ERBB4: variants seen among roughly 807,000 people sequenced by gnomAD.
The protein encoded by ERBB4 is erb-b2 receptor tyrosine kinase 4, also known as receptor tyrosine-protein kinase erbB-4.
Under a neutral mutation model 158.0 loss-of-function variants are expected in ERBB4, and 42 were observed. The observed-to-expected ratio is 0.27, with a 90% CI of 0.21 to 0.34. ERBB4 has a LOEUF of 0.34. Ranked by LOEUF, ERBB4 falls within the 10% of genes least tolerant of loss-of-function variation. ERBB4 has a pLI of 1.00. For missense variants in ERBB4, 1,333 were observed against 1,624.1 expected, an observed-to-expected ratio of 0.82 and a Z score of 3.08; for synonymous variants, 583 against 558.7, an observed-to-expected ratio of 1.04 and a Z score of -0.61.
chr2:212,358,630 T>C (rs1453129523), intron 1 of ERBB4, among the ~76,000 whole-genome samples: 2 of 151,788 alleles, frequency 1.3e-5, no homozygotes, highest in African/African-American at 2.4e-5. Flanking sequence ...TGTATATATT[T>C]ACCCTGTTTA....
rs1387076093 is a variant in ERBB4, at chr2:211,495,252, T to C, written c.2488-64152A>G. Among the ~76,000 whole-genome samples the C allele has an allele frequency of 2.6e-5, 4 of 152,178 alleles. No individual in the cohort carries two copies. The East Asian group carries it at 7.7e-4, about 29-fold the overall frequency. On this transcript the variant is annotated intron_variant, in intron 20 of 27. Coordinates refer to ENST00000342788, the MANE Select transcript of ERBB4 (RefSeq NM_005235.3). ...TTATATGTAAAACAGCAAAATATTT[T>C]TAGATTAAGTGTTTAAGCCATTGTG...
intron 1 of ERBB4, among the ~76,000 whole-genome samples, chr2:212,391,141 T>C (rs2090841385): frequency 6.6e-6 from 1 of 151,754 alleles, no homozygotes; most frequent in Non-Finnish European, 1.5e-5. Context: ...ATCAAGATCT[T>C]ATGCCTTATC....
chr2:211,618,756 C>G (rs1401047496), intron 19 of ERBB4, among the ~76,000 whole-genome samples: 2 of 152,152 alleles, frequency 1.3e-5, no homozygotes, highest in African/African-American at 2.4e-5. Context: ...TTCTAACACT[C>G]TTCAGTGCAA....
intron 14 of ERBB4, among the ~76,000 whole-genome samples, chr2:211,669,170 CTGAGA>C (rs1193777698): frequency 7.5e-6 from 1 of 132,814 alleles, no homozygotes; most frequent in Admixed American, 9.0e-5. Context: ...TTGCCGTGAG[CTGAGA>C]TCACGCCACT....
intron 20 of ERBB4, among the ~76,000 whole-genome samples, chr2:211,502,398 TATTA>T (rs746307834): frequency 6.6e-6 from 1 of 152,182 alleles, no homozygotes; most frequent in Non-Finnish European, 1.5e-5. Flanking sequence ...TCTCAAAGGT[TATTA>T]ATTATTTCAT....
At chr2:212,159,741 A>G (rs2081149511) in intron 1 of ERBB4, among the ~76,000 whole-genome samples, 1 of 152,008 alleles carries the variant, frequency 6.6e-6, no homozygotes, top group Non-Finnish European at 1.5e-5. Flanking sequence ...GATGAAATTA[A>G]AATCATTTTA....
chr2:211,434,677 T>A (rs2063813452), intron 20 of ERBB4, among the ~76,000 whole-genome samples: 1 of 152,224 alleles, frequency 6.6e-6, no homozygotes, highest in African/African-American at 2.4e-5. Flanking sequence ...AGTGATAGAC[T>A]ATCCTGAAGC....
In ERBB4 at chr2:212,202,431, C is replaced by T. The variant is rs114146949; in HGVS notation, c.83-77528G>A. On this transcript the variant is annotated intron_variant, in intron 1 of 27. Coordinates refer to ENST00000342788, the MANE Select transcript of ERBB4 (RefSeq NM_005235.3). ...TGGTACGATCATGGATCCATGCATC[C>T]GTGACCTCCTGGGCTCAAGTGATCC... 8.9e-3 allele frequency among the ~76,000 whole-genome samples: 1,351 copies of T among 152,142 alleles called. 24 individuals carry two copies. The highest frequency in any genetic ancestry group is 0.032 in the African/African-American group (1,308 of 41,502).
At chr2:212,504,510 A>T (rs537166112) in intron 1 of ERBB4, among the ~76,000 whole-genome samples, 315 of 151,974 alleles carry the variant, frequency 2.1e-3, no homozygotes, top group Middle Eastern at 3.4e-3. Context: ...GAAAAAAAAA[A>T]TTTTCGTTAA....
intron 1 of ERBB4, among the ~76,000 whole-genome samples, chr2:212,519,061 C>G (rs1350659952): frequency 6.6e-6 from 1 of 151,960 alleles, no homozygotes; most frequent in East Asian, 1.9e-4. Flanking sequence ...CACTGGTGTT[C>G]TAATCAAGAC....
At chr2:211,831,087 T>C (rs2105970274) in intron 3 of ERBB4, among the ~76,000 whole-genome samples, 1 of 152,256 alleles carries the variant, frequency 6.6e-6, no homozygotes, top group Non-Finnish European at 1.5e-5. Context: ...GCAAACATTA[T>C]TTGCTAATGA....
At chr2:211,482,894 A>C (rs758952502) in intron 20 of ERBB4, among the ~76,000 whole-genome samples, 4 of 152,202 alleles carry the variant, frequency 2.6e-5, no homozygotes, top group Non-Finnish European at 5.9e-5. Context: ...AACAAGAGTG[A>C]AACTGTCTCA....
At chr2:212,393,668 T>A (rs935882948) in intron 1 of ERBB4, among the ~76,000 whole-genome samples, 2 of 152,090 alleles carry the variant, frequency 1.3e-5, no homozygotes, top group African/African-American at 4.8e-5. Flanking sequence ...ACTCAGCTGG[T>A]ACAAGAAAGA....
At position 211,968,252 on chromosome 2, in the gene ERBB4, C is replaced by T. The variant is rs72935750; in HGVS notation, c.235-20636G>A. On this transcript the variant is annotated intron_variant, in intron 2 of 27. Coordinates refer to ENST00000342788, the MANE Select transcript of ERBB4 (RefSeq NM_005235.3). ...TGTACAGCACAAGCTTCAATAAAAACACCCTCAAGTTTTAACCATGAATGG... is the reference window on the plus strand; with the variant it reads ...TGTACAGCACAAGCTTCAATAAAAATACCCTCAAGTTTTAACCATGAATGG... 3.9e-3 allele frequency among the ~76,000 whole-genome samples: 590 copies of T among 152,114 alleles called. 5 individuals are homozygous for T. Among genetic ancestry groups the T allele is most frequent in the Middle Eastern group, 6.8e-3 (2 of 294 alleles).
chr2:212,219,624 A>G (rs2083223769), intron 1 of ERBB4, among the ~76,000 whole-genome samples: 1 of 151,258 alleles, frequency 6.6e-6, no homozygotes, highest in Admixed American at 6.6e-5. Flanking sequence ...TGTATGCAGC[A>G]TTCCTCTGCC....
chr2:211,414,735 G>T (rs1308222437), intron 25 of ERBB4, among the ~76,000 whole-genome samples: 2 of 152,062 alleles, frequency 1.3e-5, no homozygotes, highest in East Asian at 3.9e-4. Context: ...ACAGCAACTT[G>T]AAATGAGAAG....
At chr2:212,060,959 TAATA>T (rs58630259) in intron 2 of ERBB4, among the ~76,000 whole-genome samples, 4,576 of 145,854 alleles carry the variant, frequency 0.031, 88 homozygotes, top group African/African-American at 0.04. Context: ...TAAAGTATGA[TAATA>T]AATAAATAAA....
At chr2:211,797,448 C>CA (rs2076405647) in intron 3 of ERBB4, among the ~76,000 whole-genome samples, 1 of 151,696 alleles carries the variant, frequency 6.6e-6, no homozygotes, top group South Asian at 2.1e-4. Flanking sequence ...TAGAATACTT[C>CA]AAAAAAGTAT....
intron 19 of ERBB4, among the ~76,000 whole-genome samples, chr2:211,567,273 A>C (rs2067576291): frequency 6.6e-6 from 1 of 152,158 alleles, no homozygotes; most frequent in African/African-American, 2.4e-5. Flanking sequence ...CTTCAGTTTC[A>C]TCAGCATATT....
Sources: gnomAD v4.1 joint callset for allele counts (sites outside exome capture counted in the v4.1 genomes callset) on GRCh38, gnomAD v4.1.1 for gene constraint, MANE v1.5 for transcripts, NCBI Gene and HGNC (gene_info 2026-07-23, HGNC 2026-07-21) for gene names.